The following SRBD1 variants were observed in gnomAD, a reference collection of about 807,000 sequenced individuals.
SRBD1 encodes the protein S1 RNA-binding domain-containing protein 1.
SRBD1 carries 88 observed loss-of-function variants against 115.3 expected under a neutral mutation model. The ratio of observed to expected loss-of-function variants is 0.76; its 90% CI spans 0.64 to 0.91. The LOEUF (loss-of-function observed/expected upper bound fraction) is 0.91. Among genes scored for constraint, SRBD1 ranks in the 40% least tolerant of loss-of-function variants. SRBD1 has a pLI of 0.00. For missense variants in SRBD1, 1,385 were observed against 1,177.4 expected (o/e 1.18, Z -2.58); for synonymous variants, 509 against 407.7 (o/e 1.25, Z -2.99).
chr2:45,586,936 A>T (rs1673545651), intron 4 of SRBD1, among the ~76,000 whole-genome samples: 2 of 146,956 alleles, frequency 1.4e-5, no homozygotes, highest in Admixed American at 1.4e-4. Flanking sequence ...AATTATAAAT[A>T]TTAAAATATT....
intron 16 of SRBD1, among the ~76,000 whole-genome samples, chr2:45,471,834 A>T (rs943112361): frequency 2.6e-5 from 4 of 151,472 alleles, no homozygotes; most frequent in Non-Finnish European, 4.4e-5. Context: ...ACCAACTATA[A>T]ATGTATATAA....
At chr2:45,434,449 T>C (rs897020395) in intron 16 of SRBD1, among the ~76,000 whole-genome samples, 1 of 152,214 alleles carries the variant, frequency 6.6e-6, no homozygotes, top group African/African-American at 2.4e-5. Context: ...TTGGCTTACA[T>C]ATGTGCACCT....
At chr2:45,427,015 G>A (rs1455194519) in intron 16 of SRBD1, among the ~76,000 whole-genome samples, 2 of 152,228 alleles carry the variant, frequency 1.3e-5, no homozygotes, top group Non-Finnish European at 2.9e-5. Flanking sequence ...GAAATTGACA[G>A]AAGTAGGCTT....
intron 13 of SRBD1, 66 bp downstream of exon 13, chr2:45,547,456 G>A: frequency 1.4e-6 from 2 of 1,388,196 alleles, no homozygotes; most frequent in East Asian, 2.4e-5. Flanking sequence ...TCCAAATTAG[G>A]GGCTTCAAAG....
chr2:45,449,698 C>T (rs972950363), intron 16 of SRBD1, among the ~76,000 whole-genome samples: 1 of 152,152 alleles, frequency 6.6e-6, no homozygotes, highest in Non-Finnish European at 1.5e-5. Flanking sequence ...TGTATTTTTA[C>T]ACCAACATTC....
chr2:45,546,900 G>GA, intron 13 of SRBD1, 61 bp from the exon 14 acceptor site: 2 of 1,469,494 alleles, frequency 1.4e-6, no homozygotes, highest in East Asian at 4.5e-5. Flanking sequence ...ATCAGCTGGA[G>GA]AAAATGTACA....
Position 45,396,147 on chromosome 2 carries a change from G to C in SRBD1, c.2514-3018C>G, listed in dbSNP as rs536356396. Among the ~76,000 whole-genome samples the C allele has an allele frequency of 1.2e-3, 186 of 152,184 alleles. 1 individual carries two copies. The highest frequency in any genetic ancestry group is 4.5e-3 in the African/African-American group (185 of 41,546). Reference sequence around the variant, plus strand: ...ATACAGAAAAAAAAAATGAGGTTCAGGGAGTTTAAATAACTTGTCCAAGGC... The same window carrying C: ...ATACAGAAAAAAAAAATGAGGTTCACGGAGTTTAAATAACTTGTCCAAGGC... On this transcript the variant is annotated intron_variant, in intron 19 of 20. Transcript: ENST00000263736.
rs541782644 is a variant in SRBD1, at chr2:45,587,056, T to C, written c.649-1282A>G. 1.9e-4 allele frequency among the ~76,000 whole-genome samples: 26 copies of C among 140,314 alleles called. No individual in the cohort carries two copies. In the East Asian group the frequency reaches 4.9e-3, roughly 27 times the overall value. 92.1% of individuals were successfully genotyped at this position (140,314 alleles called of 152,430 possible). A position where few individuals can be genotyped will look rare whatever the true frequency, so the allele number is the denominator to read the frequency against. ...TTAAAAATTTTTAAATATTTAATTA[T>C]TTTAAATTATAAATATTAAAATATT... On this transcript the variant is annotated intron_variant, in intron 4 of 20. Transcript: ENST00000263736.
intron 15 of SRBD1, among the ~76,000 whole-genome samples, 191 bp downstream of exon 15, chr2:45,488,049 C>T (rs1670172874): frequency 6.6e-6 from 1 of 152,172 alleles, no homozygotes; most frequent in Non-Finnish European, 1.5e-5. Context: ...TTAAAAAGTA[C>T]AATATTCTTC....
intron 16 of SRBD1, among the ~76,000 whole-genome samples, chr2:45,462,037 AC>A (rs1669332229): frequency 6.6e-6 from 1 of 152,208 alleles, no homozygotes; most frequent in Non-Finnish European, 1.5e-5. Context: ...TAAAAATTGT[AC>A]AAAAACATTA....
chr2:45,474,174 TCTTA>T (rs1476637649), intron 16 of SRBD1, among the ~76,000 whole-genome samples: 1 of 152,262 alleles, frequency 6.6e-6, no homozygotes, highest in East Asian at 1.9e-4. Flanking sequence ...TCTCTATGAA[TCTTA>T]CTTTTACTTA....
intron 14 of SRBD1, among the ~76,000 whole-genome samples, chr2:45,511,291 G>A (rs752025991): frequency 6.6e-6 from 1 of 152,162 alleles, no homozygotes; most frequent in East Asian, 1.9e-4. Flanking sequence ...AGCAGTATCC[G>A]TTCATTAGCA....
At chr2:45,498,742 AATATTTGTCTTTCCATGCC>A (rs1371405444) in intron 14 of SRBD1, among the ~76,000 whole-genome samples, 1 of 152,134 alleles carries the variant, frequency 6.6e-6, no homozygotes, top group African/African-American at 2.4e-5. Context: ...GAGAACATGC[AATATTTGTCTTTCCATGCC>A]TGGCTTATTT....
chr2:45,478,530 G>A (rs1669871286), intron 15 of SRBD1, among the ~76,000 whole-genome samples: 1 of 152,112 alleles, frequency 6.6e-6, no homozygotes, highest in African/African-American at 2.4e-5. Flanking sequence ...GGATTCCAAG[G>A]CCTTCACATA....
At chr2:45,577,098 A>T (rs1419787572) in intron 7 of SRBD1, among the ~76,000 whole-genome samples, 3 of 152,198 alleles carry the variant, frequency 2.0e-5, no homozygotes, top group Admixed American at 1.3e-4. Context: ...ATTCAACTTT[A>T]AAAAACTGCC....
chr2:45,454,374 T>C (rs1465617205), intron 16 of SRBD1, among the ~76,000 whole-genome samples: 1 of 151,870 alleles, frequency 6.6e-6, no homozygotes, highest in Non-Finnish European at 1.5e-5. Flanking sequence ...AATTATTCCC[T>C]TTGTGAGTAG....
chr2:45,598,411 G>T lies in SRBD1; in HGVS notation c.648+1038C>A, dbSNP rs535769313. ...GGGCAGATCACGAGGCAGGCAGATC[G>T]AGACCATCCTGGCTAACACGGTGAA... On this transcript the variant is annotated intron_variant, in intron 4 of 20. Transcript: ENST00000263736. Among the ~76,000 whole-genome samples, 21 of 151,996 alleles carry T rather than the reference G, an allele frequency of 1.4e-4. No individual in the cohort carries two copies. The South Asian group carries it at 3.9e-3, about 29-fold the overall frequency.
At chr2:45,557,302 G>A (rs983045583) in intron 10 of SRBD1, among the ~76,000 whole-genome samples, 1 of 152,150 alleles carries the variant, frequency 6.6e-6, no homozygotes, top group Non-Finnish European at 1.5e-5. Flanking sequence ...AGTCCTTAGA[G>A]GTAGGAAGAC....
At chr2:45,504,651 A>T (rs982353138) in intron 14 of SRBD1, among the ~76,000 whole-genome samples, 1 of 152,198 alleles carries the variant, frequency 6.6e-6, no homozygotes, top group Non-Finnish European at 1.5e-5. Context: ...ATCAATTACT[A>T]GAAGGCAAAA....
Sources: gnomAD v4.1 joint callset for allele counts (sites outside exome capture counted in the v4.1 genomes callset) on GRCh38, gnomAD v4.1.1 for gene constraint, MANE v1.5 for transcripts, NCBI Gene and HGNC (gene_info 2026-07-23, HGNC 2026-07-21) for gene names.